Variants in NOTCH1 observed in about 807,000 individuals in gnomAD.
NOTCH1 encodes notch receptor 1.
A neutral mutation model predicts 254.8 loss-of-function variants in NOTCH1; 37 were observed. The observed-to-expected ratio is 0.15, with a 90% CI of 0.11 to 0.19. The LOEUF (loss-of-function observed/expected upper bound fraction) is 0.19. NOTCH1 is among the 10% of genes least tolerant of loss of function. The pLI, the probability that NOTCH1 is intolerant of heterozygous loss-of-function variation, is 1.00. For missense variants in NOTCH1, 2,972 were observed against 3,708.6 expected, an observed-to-expected ratio of 0.80 and a Z score of 5.16; for synonymous variants, 1,731 against 1,618.1, an observed-to-expected ratio of 1.07 and a Z score of -1.68.
chr9:136,506,402 T>G lies in NOTCH1; in HGVS notation c.4014+125A>C, dbSNP rs1843085308. The G allele has an allele frequency of 4.5e-6, 3 of 671,250 alleles. No individual in the cohort carries two copies. Among genetic ancestry groups the G allele is most frequent in the Non-Finnish European group, 7.5e-6 (3 of 399,846 alleles). The allele number at this position is 671,250 out of a possible 1,614,324, so 41.6% of individuals were successfully genotyped here. A position where few individuals can be genotyped will look rare whatever the true frequency, so the allele number is the denominator to read the frequency against. On this transcript the variant is annotated intron_variant, in intron 24 of 33. Transcript: ENST00000651671. The surrounding 1 kb of genome is among the most constrained non-coding windows in gnomAD (Gnocchi z 4.5). The stretch of plus-strand genomic sequence containing the variant: ...TGAAACTAAAAAAAAAAAAAAGACA[T>G]CAGGGTGAGGAGGAGGATGAAGGCC...
Position 136,494,517 on chromosome 9 carries a change from C to G in NOTCH1, c.*1554G>C. The G allele has an allele frequency of 2.5e-6, 1 of 399,040 alleles. No homozygotes were observed. The highest frequency in any genetic ancestry group is 2.1e-5 in the African/African-American group (1 of 48,768). The allele number at this position is 399,040 out of a possible 1,614,324, so 24.7% of individuals were successfully genotyped here. A position where few individuals can be genotyped will look rare whatever the true frequency, so the allele number is the denominator to read the frequency against. ...AAAAAATACATCATCTACAGTTCCTCATGTAGATCACTTTTAAAGTCTTTT... is the reference window on the plus strand; with the variant it reads ...AAAAAATACATCATCTACAGTTCCTGATGTAGATCACTTTTAAAGTCTTTT... On this transcript the variant is annotated 3_prime_UTR_variant, in exon 34 of 34. Transcript: ENST00000651671.
chr9:136,536,866 A>G (rs1458973609), intron 2 of NOTCH1, among the ~76,000 whole-genome samples: 1 of 152,236 alleles, frequency 6.6e-6, no homozygotes, highest in Non-Finnish European at 1.5e-5. Flanking sequence ...AGCATGTAGT[A>G]GATGCTCAAT....
chr9:136,525,439 A>G (rs866337752), intron 2 of NOTCH1, among the ~76,000 whole-genome samples: 1 of 152,222 alleles, frequency 6.6e-6, no homozygotes, highest in Non-Finnish European at 1.5e-5. Flanking sequence ...CCCAGTGGTG[A>G]AGCCTCTGAA....
In NOTCH1 at chr9:136,496,999, A is replaced by G. The variant is rs2133317359; in HGVS notation, c.6740T>C (p.Leu2247Pro). 3.1e-6 allele frequency: 5 copies of G among 1,610,250 alleles called. No individual in the cohort carries two copies. Among genetic ancestry groups the G allele is most frequent in the Non-Finnish European group, 4.2e-6 (5 of 1,178,888 alleles). The change falls in exon 34 of 34, where the codon CTG becomes CCG. Residue 2247 changes from leucine (L) to proline (P), a missense_variant. Physicochemically the swap from Leu to Pro is moderately conservative, Grantham distance 98. Coordinates refer to ENST00000651671, the MANE Select transcript of NOTCH1 (RefSeq NM_017617.5). The part of the protein sequence containing the change: ...MPDTHLGIGH[L>P]NVAAKPEMAA... ...CATCTCGGGCTTGGCCGCCACGTTC[A>G]GGTGCCCGATGCCCAGGTGGGTGTC...
rs1434676980 is a variant in NOTCH1 at position 136,545,132 on chromosome 9, G to A, written c.61+594C>T. ...AAAGGAAAGTTCAGTCCCCCCGGGC[G>A]CGGCGGCTTCTTACGCAACCCCTCC... On this transcript the variant is annotated intron_variant, in intron 1 of 33. Coordinates refer to ENST00000651671, the MANE Select transcript of NOTCH1 (RefSeq NM_017617.5). The surrounding 1 kb of genome is among the most constrained non-coding windows in gnomAD (Gnocchi z 6.8). Among the ~76,000 whole-genome samples the A allele has an allele frequency of 4.6e-5, 7 of 151,820 alleles. No homozygotes were observed. Among genetic ancestry groups the A allele is most frequent in the Non-Finnish European group, 1.0e-4 (7 of 67,902 alleles).
chr9:136,543,756 G>A, intron 2 of NOTCH1: 1 of 588,084 alleles, frequency 1.7e-6, no homozygotes, highest in Non-Finnish European at 3.0e-6. Context: ...TTGGGGTACT[G>A]GGACTCCCAC....
In NOTCH1 at chr9:136,496,927, G is replaced by A. The variant is rs1223321022; in HGVS notation, c.6812C>T (p.Pro2271Leu). 1 of 1,612,224 alleles carries A rather than the reference G, an allele frequency of 6.2e-7. No homozygotes were observed. Among genetic ancestry groups the A allele is most frequent in the Non-Finnish European group, 8.5e-7 (1 of 1,179,828 alleles). ...GGRLAFETGP[P>L]RLSHLPVASG... ...GGCCACAGGCAGGTGGGAGAGACGA[G>A]GTGGGCCAGTCTCAAAGGCCAGCCG... Residue 2271 changes from proline (P) to leucine (L), a missense_variant, in exon 34 of 34, where the codon CCT becomes CTT. By Grantham distance (98) the Pro-to-Leu change is moderately conservative. This residue lies in a region of NOTCH1 where 529 missense variants were observed against 529.2 expected (regional missense o/e 1.00). Coordinates refer to ENST00000651671, the MANE Select transcript of NOTCH1 (RefSeq NM_017617.5).
chr9:136,537,651 C>A (rs1564212524), intron 2 of NOTCH1, among the ~76,000 whole-genome samples: 1 of 152,202 alleles, frequency 6.6e-6, no homozygotes. Context: ...TTAAAATTAG[C>A]TAGGCATGGT....
chr9:136,505,588 G>A lies in NOTCH1; in HGVS notation c.4308C>T (p.Ala1436=), dbSNP rs749702298. ...TCAGCGGCGGGGGGATGTCGCGCCC[G>A]GCCCCACCCCCGAAGCTGTAGTCCA... is the stretch of plus-strand genomic sequence containing the variant. ...HILDYSFGGG[A]GRDIPPPLIE... Residue 1436 remains alanine, a synonymous_variant, in exon 25 of 34, where the codon GCC becomes GCT. Coordinates refer to ENST00000651671, the MANE Select transcript of NOTCH1 (RefSeq NM_017617.5). 88 of 1,609,796 alleles carry A rather than the reference G, an allele frequency of 5.5e-5. 1 individual carries two copies. In the Middle Eastern group the frequency reaches 6.6e-4, roughly 12 times the overall value.
rs1842984290 is a variant in NOTCH1, at chr9:136,500,857, C to G, written c.5639-10G>C. The G allele has an allele frequency of 6.3e-7, 1 of 1,582,882 alleles. No homozygotes were observed. The highest frequency in any genetic ancestry group is 1.7e-5 in the Admixed American group (1 of 57,312). On this transcript the variant is annotated splice_polypyrimidine_tract_variant and intron_variant, in intron 30 of 33. Transcript: ENST00000651671. ...AGCGGGGTGAAGCCATCTGCAGAGG[C>G]AGAGACGGGTGCTCAGTCTGGAGGG...
Position 136,545,173 on chromosome 9 carries a change from G to C in NOTCH1, c.61+553C>G, listed in dbSNP as rs578211928. Among the ~76,000 whole-genome samples, 2 of 151,690 alleles carry C rather than the reference G, an allele frequency of 1.3e-5. No individual in the cohort carries two copies. The highest frequency in any genetic ancestry group is 4.8e-5 in the African/African-American group (2 of 41,354). ...CAACCCCTCCCCCAAACTGAGAGCC[G>C]GGCTGGGGGGCACCGGCGGGCGGGG... is the stretch of plus-strand genomic sequence containing the variant. On this transcript the variant is annotated intron_variant, in intron 1 of 33. Coordinates refer to ENST00000651671, the MANE Select transcript of NOTCH1 (RefSeq NM_017617.5). The surrounding 1 kb of genome is among the most constrained non-coding windows in gnomAD (Gnocchi z 6.8).
intron 33 of NOTCH1, 65 bp from the exon 34 acceptor site, chr9:136,497,623 T>A: frequency 7.1e-7 from 1 of 1,414,436 alleles, no homozygotes; most frequent in East Asian, 2.5e-5. Context: ...TCCCCAAGGT[T>A]CCATCACCAG....
At chr9:136,529,330 G>A (rs773585679) in intron 2 of NOTCH1, among the ~76,000 whole-genome samples, 18 of 152,242 alleles carry the variant, frequency 1.2e-4, no homozygotes, top group African/African-American at 3.1e-4. Context: ...GCTCTAGCCC[G>A]GACCAAGGCT....
chr9:136,506,718 G>T lies in NOTCH1; in HGVS notation c.3899C>A (p.Thr1300Asn). 1 of 1,598,978 alleles carries T rather than the reference G, an allele frequency of 6.3e-7. No homozygotes were observed. Among genetic ancestry groups the T allele is most frequent in the Non-Finnish European group, 8.5e-7 (1 of 1,173,492 alleles). ...DFHCECRAGH[T>N]GRRCESVING... ...ACCCGCCTGGGCGCGGCACCCACCG[G>T]TGTGACCAGCACGGCACTCGCAGTG... The change falls in exon 23 of 34, where the codon ACC (threonine) becomes AAC (asparagine). Residue 1300 changes from threonine (T) to asparagine (N), a missense_variant and splice_region_variant. Physicochemically the swap from Thr to Asn is moderately conservative, Grantham distance 65. This residue lies in a region of NOTCH1 where 1,343 missense variants were observed against 1,557.0 expected (regional missense o/e 0.86). Coordinates refer to ENST00000651671, the MANE Select transcript of NOTCH1 (RefSeq NM_017617.5). The surrounding 1 kb of genome is among the most constrained non-coding windows in gnomAD (Gnocchi z 4.5).
At chr9:136,498,238 G>A (rs1842947219) in intron 33 of NOTCH1, among the ~76,000 whole-genome samples, 1 of 151,610 alleles carries the variant, frequency 6.6e-6, no homozygotes, top group South Asian at 2.1e-4. Flanking sequence ...CAGGAGTTGG[G>A]GGCGGGGGTG....
At position 136,505,438 on chromosome 9, in the gene NOTCH1, G is replaced by A. The variant is rs747236263; in HGVS notation, c.4458C>T (p.Pro1486=). ...GGDCSLNFND[P]WKNCTQSLQC... ...GCAGAGACTGCGTGCAGTTCTTCCA[G>A]GGGTCATTGAAGTTGAGGGAGCAGT... is the stretch of plus-strand genomic sequence containing the variant. Residue 1486 remains proline (P), a synonymous_variant, in exon 25 of 34, where the codon CCC becomes CCT. Coordinates refer to ENST00000651671, the MANE Select transcript of NOTCH1 (RefSeq NM_017617.5). 5.0e-6 allele frequency: 8 copies of A among 1,612,814 alleles called. No individual in the cohort carries two copies. The East Asian group carries it at 1.1e-4, about 22-fold the overall frequency.
rs1209470772 is a variant in NOTCH1 at position 136,495,582 on chromosome 9, GC to G, written c.*488del. On this transcript the variant is annotated 3_prime_UTR_variant, in exon 34 of 34. Transcript: ENST00000651671. The stretch of plus-strand genomic sequence containing the variant: ...ACAGGCAGGTGATGCTGGTGGAGCG[GC>G]CGGGCTGGCTTGGGGTTGGGTGGGC... 3.0e-5 allele frequency: 12 copies of G among 400,258 alleles called. No individual in the cohort carries two copies. Among genetic ancestry groups the G allele is most frequent in the Non-Finnish European group, 4.8e-5 (11 of 227,162 alleles). The allele number at this position is 400,258 out of a possible 1,614,324, so 24.8% of individuals were successfully genotyped here.
chr9:136,505,320 C>A lies in NOTCH1; in HGVS notation c.4576G>T (p.Gly1526Cys). The part of the protein sequence containing the change: ...FDGFDCQRAE[G>C]QCNPLYDQYC... ...GCCCCGCAGCCTTACTTGCACTGGC[C>A]TTCCGCACGCTGGCAGTCAAAGCCG... The change falls in exon 25 of 34, where the codon GGC (glycine) becomes TGC (cysteine). Residue 1526 changes from glycine to cysteine, a missense_variant. This residue lies in a region of NOTCH1 where 1,343 missense variants were observed against 1,557.0 expected (regional missense o/e 0.86). Transcript: ENST00000651671. 6.3e-7 allele frequency: 1 copy of A among 1,577,158 alleles called. No individual in the cohort carries two copies. Among genetic ancestry groups the A allele is most frequent in the Non-Finnish European group, 8.6e-7 (1 of 1,161,838 alleles).
At chr9:136,509,705 T>A in intron 18 of NOTCH1, 28 bp downstream of exon 18, 1 of 1,603,882 alleles carries the variant, frequency 6.2e-7, no homozygotes. Flanking sequence ...CCCGTTCCCT[T>A]CCACGGCCTC....
Sources: allele counts gnomAD v4.1 joint callset (sites outside exome capture counted in the v4.1 genomes callset), GRCh38; gene constraint gnomAD v4.1.1; regional missense constraint gnomAD v4.1.1; non-coding constraint Gnocchi (gnomAD v3.1); transcripts MANE v1.5; gene names NCBI Gene and HGNC (gene_info 2026-07-23, HGNC 2026-07-21).